Variants in NDUFAF7 observed in about 807,000 individuals in gnomAD.
The protein encoded by NDUFAF7 is NADH:ubiquinone oxidoreductase complex assembly factor 7.
In NDUFAF7, 48 loss-of-function variants were observed where a neutral mutation model predicts 47.2. The ratio of observed to expected loss-of-function variants is 1.02; its 90% CI spans 0.81 to 1.29. The LOEUF is 1.29. Ranked by LOEUF, NDUFAF7 falls within the 50% of genes most tolerant of loss-of-function variation. NDUFAF7 has a pLI of 0.00. For missense variants in NDUFAF7, 635 were observed against 537.6 expected, an observed-to-expected ratio of 1.18 and a Z score of -1.79; for synonymous variants, 217 against 190.0, an observed-to-expected ratio of 1.14 and a Z score of -1.17.
chr2:37,247,312 G>C (rs2148443120), intron 8 of NDUFAF7, 144 bp from the exon 9 acceptor site: 1 of 959,764 alleles, frequency 1.0e-6, no homozygotes, highest in East Asian at 2.6e-5. Flanking sequence ...ACACTGCCTA[G>C]GTGTTCCCTG....
At chr2:37,267,456 G>A in the NDUFAF7 span, 1 of 1,607,096 alleles carries the variant, frequency 6.2e-7, no homozygotes, top group South Asian at 1.1e-5. Flanking sequence ...TCATTACGGA[G>A]TTGACTTTCT....
chr2:37,239,477 A>G (rs1666137272), intron 4 of NDUFAF7, among the ~76,000 whole-genome samples: 1 of 152,154 alleles, frequency 6.6e-6, no homozygotes, highest in South Asian at 2.1e-4. Flanking sequence ...AGTTTCTTAT[A>G]TTGTATGACC....
intron 5 of NDUFAF7, chr2:37,242,054 C>G: frequency 7.8e-6 from 4 of 510,544 alleles, no homozygotes; most frequent in Non-Finnish European, 1.4e-5. Flanking sequence ...GAGTATTTCC[C>G]TATAGCTAGG....
At chr2:37,245,382 C>G (rs776289747) in intron 7 of NDUFAF7, among the ~76,000 whole-genome samples, 9 of 152,194 alleles carry the variant, frequency 5.9e-5, no homozygotes, top group Non-Finnish European at 1.3e-4. Context: ...TTCATATATA[C>G]TAGTCAGGTT....
chr2:37,256,628 A>ATTTTTTT (rs56389006), downstream of NDUFAF7: 18 of 1,202,286 alleles, frequency 1.5e-5, no homozygotes, highest in South Asian at 2.2e-4. Flanking sequence ...CATAGCCAAA[A>ATTTTTTT]TTTTTTTTTT....
At position 37,232,341 on chromosome 2, in the gene NDUFAF7, G is replaced by A; in HGVS notation, c.216+75G>A. ...GGTGCAAGCCAGGAGGGAGAAGCCCGAAGGTTCTCAGCCCAGGCAGTGGGG... is the reference window on the plus strand; with the variant it reads ...GGTGCAAGCCAGGAGGGAGAAGCCCAAAGGTTCTCAGCCCAGGCAGTGGGG... On this transcript the variant is annotated intron_variant, in intron 2 of 9. Coordinates refer to ENST00000002125, the MANE Select transcript of NDUFAF7 (RefSeq NM_144736.5). 3 of 1,582,388 alleles carry A rather than the reference G, an allele frequency of 1.9e-6. No homozygotes were observed. In the East Asian group the frequency reaches 6.7e-5, roughly 35 times the overall value.
Position 37,236,191 on chromosome 2 carries a change from A to C in NDUFAF7, c.297+15A>C. ...TCTTTGGGGAGGTAATATACTATGT[A>C]AAGTATGAATGAAGCTAATATAAAC... On this transcript the variant is annotated intron_variant, in intron 3 of 9. Transcript: ENST00000002125. 2 of 1,557,490 alleles carry C rather than the reference A, an allele frequency of 1.3e-6. No homozygotes were observed. The highest frequency in any genetic ancestry group is 1.8e-6 in the Non-Finnish European group (2 of 1,128,568).
At chr2:37,263,429 C>T in the NDUFAF7 span, among the ~76,000 whole-genome samples, 12 of 152,294 alleles carry the variant, frequency 7.9e-5, no homozygotes, top group Non-Finnish European at 1.3e-4. Flanking sequence ...TCAGTATAAT[C>T]TGCTTAGATC....
the NDUFAF7 span, among the ~76,000 whole-genome samples, chr2:37,270,149 C>G: frequency 6.6e-6 from 1 of 151,978 alleles, no homozygotes; most frequent in Non-Finnish European, 1.5e-5. Context: ...ATCGCTTGAA[C>G]CCAGGAGGCA....
chr2:37,244,797 C>T (rs1358079962), intron 7 of NDUFAF7, among the ~76,000 whole-genome samples: 2 of 152,072 alleles, frequency 1.3e-5, no homozygotes, highest in Non-Finnish European at 2.9e-5. Context: ...CTTATGAACA[C>T]CTGTTTTTTC....
At chr2:37,245,338 C>T (rs768058357) in intron 7 of NDUFAF7, among the ~76,000 whole-genome samples, 1 of 152,078 alleles carries the variant, frequency 6.6e-6, no homozygotes, top group Non-Finnish European at 1.5e-5. Flanking sequence ...GAAAGAAATA[C>T]CACATTTTCA....
At chr2:37,265,166 G>A in the NDUFAF7 span, among the ~76,000 whole-genome samples, 1 of 152,058 alleles carries the variant, frequency 6.6e-6, no homozygotes, top group Non-Finnish European at 1.5e-5. Context: ...GAGGACTACA[G>A]GTAAGAATGA....
At chr2:37,260,109 G>A in the NDUFAF7 span, 2 of 928,922 alleles carry the variant, frequency 2.2e-6, no homozygotes, top group Non-Finnish European at 3.2e-6. Context: ...AGGTTGCAGT[G>A]AGCCAGATTG....
chr2:37,249,682 T>C (rs1667323913), downstream of NDUFAF7, among the ~76,000 whole-genome samples: 3 of 93,718 alleles, frequency 3.2e-5, no homozygotes, highest in African/African-American at 5.7e-5. Context: ...ACACACAGCC[T>C]AGGAGGAATA....
intron 4 of NDUFAF7, among the ~76,000 whole-genome samples, chr2:37,238,463 A>C (rs1465575170): frequency 1.3e-5 from 2 of 151,902 alleles, no homozygotes; most frequent in African/African-American, 4.8e-5. Flanking sequence ...AAAAAAAAAA[A>C]GTTTAGGCTG....
chr2:37,243,803 A>G, intron 6 of NDUFAF7, 60 bp from the exon 7 acceptor site: 6 of 1,244,960 alleles, frequency 4.8e-6, no homozygotes, highest in Non-Finnish European at 5.9e-6. Context: ...TATTTTTGGT[A>G]GAAGCAATGT....
downstream of NDUFAF7, among the ~76,000 whole-genome samples, chr2:37,255,852 A>G (rs1667888741): frequency 6.6e-6 from 1 of 152,056 alleles, no homozygotes; most frequent in South Asian, 2.1e-4. Context: ...CAAAAAATTT[A>G]AAAATTAGCC....
Position 37,248,222 on chromosome 2 carries a change from G to A in NDUFAF7, c.1198G>A (p.Glu400Lys). 1.2e-6 allele frequency: 2 copies of A among 1,613,868 alleles called. No individual in the cohort carries two copies. The highest frequency in any genetic ancestry group is 1.1e-5 in the South Asian group (1 of 91,080). Residue 400 changes from glutamate to lysine, a missense_variant, in exon 10 of 10, where the codon GAG (glutamate) becomes AAG (lysine). Physicochemically the swap from Glu to Lys is moderately conservative, Grantham distance 56. Coordinates refer to ENST00000002125, the MANE Select transcript of NDUFAF7 (RefSeq NM_144736.5). ...DMLMNPKKMG[E>K]RFNFFALLPH... is the part of the protein sequence containing the mutation. The stretch of plus-strand genomic sequence containing the variant: ...GTTAATGAATCCAAAGAAGATGGGA[G>A]AGAGATTTAACTTTTTTGCCTTGCT...
chr2:37,232,927 T>C (rs1187792585), intron 2 of NDUFAF7, among the ~76,000 whole-genome samples: 1 of 152,232 alleles, frequency 6.6e-6, no homozygotes, highest in Non-Finnish European at 1.5e-5. Flanking sequence ...ATATGACCTC[T>C]GTGGAATTCT....
Sources: allele counts gnomAD v4.1 joint callset (sites outside exome capture counted in the v4.1 genomes callset), GRCh38; gene constraint gnomAD v4.1.1; transcripts MANE v1.5; gene names NCBI Gene and HGNC (gene_info 2026-07-23, HGNC 2026-07-21).